The following SHMT1 variants were observed in gnomAD, a reference collection of about 807,000 sequenced individuals.
SHMT1 encodes serine hydroxymethyltransferase 1, also known as serine hydroxymethyltransferase, cytosolic.
SHMT1 carries 45 observed loss-of-function variants against 49.0 expected under a neutral mutation model. The observed-to-expected ratio is 0.92, with a 90% CI of 0.72 to 1.18. The LOEUF (loss-of-function observed/expected upper bound fraction) is 1.18. Among genes scored for constraint, SHMT1 ranks in the 50% most tolerant of loss-of-function variants. The probability of loss-of-function intolerance (pLI) is 0.00; values close to 1 mark genes in which losing one functional copy is unlikely to be tolerated. For missense variants in SHMT1, 541 were observed against 612.4 expected, an observed-to-expected ratio of 0.88 and a Z score of 1.23; for synonymous variants, 232 against 246.6, an observed-to-expected ratio of 0.94 and a Z score of 0.55.
chr17:18,331,365 A>C (rs973295083), intron 9 of SHMT1: 2 of 159,252 alleles, frequency 1.3e-5, no homozygotes, highest in Admixed American at 5.8e-5. Flanking sequence ...AGCTGTGCCC[A>C]CCCACTTGCC....
In SHMT1 at chr17:18,328,297, C is replaced by T. The variant is rs111448813; in HGVS notation, c.*453G>A. On this transcript the variant is annotated 3_prime_UTR_variant, in exon 12 of 12. Coordinates refer to ENST00000316694, the MANE Select transcript of SHMT1 (RefSeq NM_004169.5). Reference sequence around the variant, plus strand: ...AAGCCTCAGAAGCTAATTCAGTTCTCCTTTGGCATGCCACTGGATAACAAG... The same window carrying T: ...AAGCCTCAGAAGCTAATTCAGTTCTTCTTTGGCATGCCACTGGATAACAAG... 835 of 202,902 alleles carry T rather than the reference C, an allele frequency of 4.1e-3. 11 individuals are homozygous for T. Among genetic ancestry groups the T allele is most frequent in the Non-Finnish European group, 6.0e-3 (581 of 97,020 alleles). The allele number at this position is 202,902 out of a possible 1,614,324, so 12.6% of individuals were successfully genotyped here.
intron 10 of SHMT1, 64 bp from the exon 11 acceptor site, chr17:18,329,452 A>T (rs1982941793): frequency 1.1e-5 from 14 of 1,304,072 alleles, no homozygotes; most frequent in Non-Finnish European, 1.5e-5. Context: ...TGGTGCATTT[A>T]AAAAGGGACA....
chr17:18,353,771 A>C lies in SHMT1; in HGVS notation c.143T>G (p.Leu48Trp). 6.2e-7 allele frequency: 1 copy of C among 1,614,116 alleles called. No individual in the cohort carries two copies. Among genetic ancestry groups the C allele is most frequent in the Non-Finnish European group, 8.5e-7 (1 of 1,179,968 alleles). ...GAAATTCTCCGAGGCAATCAGCTCC[A>C]ATCCAACCCTCTGCCGGTTACTCTC... ...KKESNRQRVG[L>W]ELIASENFAS... Residue 48 changes from leucine to tryptophan, a missense_variant, in exon 3 of 12, where the codon TTG becomes TGG. Physicochemically the swap from Leu to Trp is moderately conservative, Grantham distance 61. Coordinates refer to ENST00000316694, the MANE Select transcript of SHMT1 (RefSeq NM_004169.5).
intron 8 of SHMT1, 162 bp from the exon 9 acceptor site, chr17:18,333,450 A>C (rs1198098536): frequency 7.6e-6 from 3 of 395,180 alleles, no homozygotes; most frequent in Non-Finnish European, 1.2e-5. Flanking sequence ...TATTTTTAAA[A>C]ATTTTTTATT....
intron 7 of SHMT1, among the ~76,000 whole-genome samples, chr17:18,338,290 G>A (rs187031834): frequency 7.3e-5 from 11 of 151,048 alleles, no homozygotes; most frequent in African/African-American, 9.7e-5. Flanking sequence ...GAGCCCCTCC[G>A]CCTGGCAGTC....
At chr17:18,359,255 A>G (rs1193987528) in intron 1 of SHMT1, among the ~76,000 whole-genome samples, 1 of 146,354 alleles carries the variant, frequency 6.8e-6, no homozygotes, top group African/African-American at 2.5e-5. Flanking sequence ...AAAAAAAAAA[A>G]GGGCCTGGTA....
At chr17:18,329,061 C>T (rs1982880787) in intron 11 of SHMT1, 142 bp from the exon 12 acceptor site, 16 of 1,101,036 alleles carry the variant, frequency 1.5e-5, no homozygotes, top group Non-Finnish European at 1.8e-5. Flanking sequence ...ACCTCAATTA[C>T]TCTGAGATGC....
chr17:18,354,383 C>A (rs1443657733), intron 2 of SHMT1, among the ~76,000 whole-genome samples: 2 of 152,150 alleles, frequency 1.3e-5, no homozygotes, highest in Non-Finnish European at 2.9e-5. Flanking sequence ...CACGCCATTG[C>A]ACTCCAGCCT....
intron 1 of SHMT1, among the ~76,000 whole-genome samples, chr17:18,361,273 T>G (rs1356217331): frequency 7.5e-6 from 1 of 132,638 alleles, no homozygotes; most frequent in Non-Finnish European, 1.5e-5. Flanking sequence ...CACTCCAGCC[T>G]GGACAACAGA....
At chr17:18,338,543 A>C (rs1187648812) in intron 7 of SHMT1, among the ~76,000 whole-genome samples, 1 of 151,986 alleles carries the variant, frequency 6.6e-6, no homozygotes, top group Non-Finnish European at 1.5e-5. Flanking sequence ...CCCAGCCGCC[A>C]CCCCGTCTGG....
chr17:18,333,658 C>A (rs757851062), intron 8 of SHMT1, among the ~76,000 whole-genome samples: 1 of 152,058 alleles, frequency 6.6e-6, no homozygotes, highest in Non-Finnish European at 1.5e-5. Context: ...TTAGTAGAGA[C>A]AGGGTTTCAC....
intron 3 of SHMT1, among the ~76,000 whole-genome samples, chr17:18,349,563 T>A (rs1985460632): frequency 6.6e-6 from 1 of 150,984 alleles, no homozygotes; most frequent in African/African-American, 2.4e-5. Flanking sequence ...ACAAAAAATT[T>A]TACAAATGAG....
chr17:18,353,286 C>T (rs1316599089), intron 3 of SHMT1, among the ~76,000 whole-genome samples: 2 of 152,210 alleles, frequency 1.3e-5, no homozygotes, highest in African/African-American at 2.4e-5. Context: ...CAGATTCAGC[C>T]TCCACTTCCA....
intron 2 of SHMT1, among the ~76,000 whole-genome samples, chr17:18,354,207 C>T (rs945804940): frequency 3.9e-5 from 6 of 152,080 alleles, no homozygotes; most frequent in African/African-American, 1.2e-4. Context: ...CACCTGAGGT[C>T]GGGGGTTCGA....
chr17:18,358,934 A>T (rs1467528417), intron 1 of SHMT1, among the ~76,000 whole-genome samples: 1 of 151,758 alleles, frequency 6.6e-6, no homozygotes, highest in Admixed American at 6.6e-5. Flanking sequence ...TAAAAAAAGG[A>T]CTTGTTTGAA....
At chr17:18,348,260 T>G (rs756047338) in intron 4 of SHMT1, 65 bp downstream of exon 4, 4 of 1,053,542 alleles carry the variant, frequency 3.8e-6, no homozygotes, top group Non-Finnish European at 4.4e-6. Context: ...CTCTTCTTGG[T>G]GCATGTCGGC....
chr17:18,351,848 T>G (rs968700181), intron 3 of SHMT1, among the ~76,000 whole-genome samples: 3 of 151,200 alleles, frequency 2.0e-5, no homozygotes, highest in Admixed American at 6.6e-5. Flanking sequence ...TTTTTCGGGG[T>G]TTTTTTTAAA....
At chr17:18,334,985 T>G (rs1316583423) in intron 8 of SHMT1, among the ~76,000 whole-genome samples, 3 of 152,206 alleles carry the variant, frequency 2.0e-5, no homozygotes, top group Non-Finnish European at 2.9e-5. Context: ...CCTGAGCCCC[T>G]TAGCGGGAAT....
In SHMT1 at chr17:18,328,632, A is replaced by G; in HGVS notation, c.*118T>C. 1 of 1,150,696 alleles carries G rather than the reference A, an allele frequency of 8.7e-7. No homozygotes were observed. Among genetic ancestry groups the G allele is most frequent in the Non-Finnish European group, 1.2e-6 (1 of 809,586 alleles). 71.3% of individuals were successfully genotyped at this position (1,150,696 alleles called of 1,614,324 possible). On this transcript the variant is annotated 3_prime_UTR_variant, in exon 12 of 12. Transcript: ENST00000316694. ...AAAAAAGTCCAAAAGAAACCCCCTC[A>G]AAGGGCCCGAGTGTCAACAGTTCCC...
Sources: allele counts gnomAD v4.1 joint callset (sites outside exome capture counted in the v4.1 genomes callset), GRCh38; gene constraint gnomAD v4.1.1; transcripts MANE v1.5; gene names NCBI Gene and HGNC (gene_info 2026-07-23, HGNC 2026-07-21).